Variants in SNTG1 observed in about 807,000 individuals in gnomAD.
SNTG1 encodes the protein gamma-1-syntrophin.
SNTG1 carries 39 observed loss-of-function variants against 74.7 expected under a neutral mutation model. That is an observed-to-expected ratio of 0.52 (90% CI 0.40 to 0.68). The LOEUF (loss-of-function observed/expected upper bound fraction) is 0.68. Ranked by LOEUF, SNTG1 falls within the 30% of genes least tolerant of loss-of-function variation. The pLI is 0.00. For missense variants in SNTG1, 685 were observed against 609.5 expected (o/e 1.12, Z -1.30); for synonymous variants, 254 against 217.1 (o/e 1.17, Z -1.49).
At chr8:50,559,052 A>G (rs2094472455) in intron 12 of SNTG1, among the ~76,000 whole-genome samples, 2 of 152,202 alleles carry the variant, frequency 1.3e-5, no homozygotes, top group African/African-American at 4.8e-5. Context: ...GGTTTAGAGT[A>G]TAATTGAAAC....
rs144985517 is a variant in SNTG1 at position 50,438,889 on chromosome 8, ATCTT to A, written c.219+296_219+299del. On this transcript the variant is annotated intron_variant, in intron 5 of 18. Transcript: ENST00000642720. ...ATGTTAAATATGATGTCGTGTGCAT[ATCTT>A]TCTTTAACCAACTGGAGTAGGAAAT... is the stretch of plus-strand genomic sequence containing the variant. Among the ~76,000 whole-genome samples the A allele has an allele frequency of 2.0e-3, 301 of 152,266 alleles. 7 individuals are homozygous for A. In the East Asian group the frequency reaches 0.055, roughly 28 times the overall value.
intron 1 of SNTG1, among the ~76,000 whole-genome samples, chr8:50,097,172 G>A (rs779931439): frequency 6.6e-6 from 1 of 151,866 alleles, no homozygotes; most frequent in Admixed American, 6.6e-5. Flanking sequence ...CAGTTTCGTC[G>A]TGTTGGCCAG....
At chr8:50,261,163 G>A (rs1279977630) in intron 2 of SNTG1, among the ~76,000 whole-genome samples, 3 of 152,084 alleles carry the variant, frequency 2.0e-5, no homozygotes, top group African/African-American at 7.2e-5. Flanking sequence ...TGAGGTAGGG[G>A]TGACAACCTT....
chr8:50,448,740 T>C (rs576970857), intron 5 of SNTG1, among the ~76,000 whole-genome samples: 6 of 152,194 alleles, frequency 3.9e-5, no homozygotes, highest in African/African-American at 1.2e-4. Context: ...AACTAATAAA[T>C]AGTACTACTG....
intron 2 of SNTG1, among the ~76,000 whole-genome samples, chr8:50,389,836 G>T (rs1312199095): frequency 6.6e-6 from 1 of 152,216 alleles, no homozygotes; most frequent in Non-Finnish European, 1.5e-5. Context: ...GATGGCCAGT[G>T]ATGATGAGCA....
chr8:50,060,865 C>T (rs926735390), intron 1 of SNTG1, among the ~76,000 whole-genome samples: 6 of 151,920 alleles, frequency 3.9e-5, no homozygotes, highest in South Asian at 2.1e-4. Context: ...TTACATTGAT[C>T]GATTTTTGCA....
At chr8:50,044,050 G>A (rs541678776) in intron 1 of SNTG1, among the ~76,000 whole-genome samples, 22 of 152,198 alleles carry the variant, frequency 1.4e-4, no homozygotes, top group African/African-American at 5.3e-4. Context: ...TCACCTTTAT[G>A]TAATACTAAA....
intron 1 of SNTG1, among the ~76,000 whole-genome samples, chr8:50,057,286 G>A (rs1820105223): frequency 6.6e-6 from 1 of 152,052 alleles, no homozygotes; most frequent in African/African-American, 2.4e-5. Context: ...AGCTGCACAG[G>A]TAACTTAAGC....
chr8:50,438,489 G>A, intron 4 of SNTG1, 54 bp from the exon 5 acceptor site: 1 of 1,490,684 alleles, frequency 6.7e-7, no homozygotes. Flanking sequence ...AAAAAATGGT[G>A]TGTAAGTATA....
intron 1 of SNTG1, among the ~76,000 whole-genome samples, chr8:50,082,665 A>G (rs1822520533): frequency 6.6e-6 from 1 of 151,978 alleles, no homozygotes; most frequent in Admixed American, 6.6e-5. Context: ...AAGTTTTTAA[A>G]TCTCAGGCCA....
intron 1 of SNTG1, among the ~76,000 whole-genome samples, chr8:50,148,375 A>G (rs2081945362): frequency 6.6e-6 from 1 of 152,170 alleles, no homozygotes; most frequent in Non-Finnish European, 1.5e-5. Context: ...TAAAGTACAT[A>G]AAGTGAGAAA....
In SNTG1 at chr8:50,794,400, GT is replaced by G. The variant is rs1410071511; in HGVS notation, c.*1574del. The stretch of plus-strand genomic sequence containing the variant: ...ATCAAATTGAAAAGAAAAAGTGAGG[GT>G]TTATAATTGTCCCTGGGAAAATGTT... On this transcript the variant is annotated 3_prime_UTR_variant, in exon 19 of 19. Transcript: ENST00000642720. The G allele has an allele frequency of 6.6e-6, 1 of 151,844 alleles. No homozygotes were observed. The highest frequency in any genetic ancestry group is 2.4e-5 in the African/African-American group (1 of 41,378). 9.4% of individuals were successfully genotyped at this position (151,844 alleles called of 1,614,324 possible). A position where few individuals can be genotyped will look rare whatever the true frequency, so the allele number is the denominator to read the frequency against.
intron 18 of SNTG1, among the ~76,000 whole-genome samples, chr8:50,788,561 C>CA (rs1208185345): frequency 6.6e-6 from 1 of 151,928 alleles, no homozygotes; most frequent in Non-Finnish European, 1.5e-5. Context: ...TCAAGGTCAT[C>CA]AGCAAGGTCT....
At chr8:50,655,335 G>C (rs1042348847) in intron 13 of SNTG1, among the ~76,000 whole-genome samples, 18 of 152,166 alleles carry the variant, frequency 1.2e-4, no homozygotes, top group Admixed American at 7.2e-4. Flanking sequence ...TTTCAAAACT[G>C]TGTTGTTATC....
chr8:50,615,249 C>T (rs1280932165), intron 13 of SNTG1, among the ~76,000 whole-genome samples: 4 of 152,010 alleles, frequency 2.6e-5, no homozygotes, highest in Non-Finnish European at 5.9e-5. Context: ...CATGAGCCAC[C>T]GTGCTTCCTT....
intron 2 of SNTG1, among the ~76,000 whole-genome samples, chr8:50,284,591 T>A (rs1350859958): frequency 6.6e-6 from 1 of 152,170 alleles, no homozygotes. Flanking sequence ...AATGCTCCAA[T>A]TTCATCTTGC....
chr8:50,339,687 A>T (rs535722401), intron 2 of SNTG1, among the ~76,000 whole-genome samples: 6 of 152,052 alleles, frequency 3.9e-5, no homozygotes, highest in Non-Finnish European at 7.4e-5. Context: ...AGTCATAAAA[A>T]GCTCAATTAC....
intron 1 of SNTG1, among the ~76,000 whole-genome samples, chr8:50,012,660 G>A (rs1376348019): frequency 6.6e-6 from 1 of 152,090 alleles, no homozygotes; most frequent in Non-Finnish European, 1.5e-5. Flanking sequence ...CCTAGAAGAG[G>A]TGCCTGCTAT....
chr8:50,582,587 C>G (rs1316428788), intron 12 of SNTG1, among the ~76,000 whole-genome samples: 1 of 151,832 alleles, frequency 6.6e-6, no homozygotes, highest in Non-Finnish European at 1.5e-5. Flanking sequence ...AAGTATCATC[C>G]TGTCTGATTT....
Sources: gnomAD v4.1 joint callset for allele counts (sites outside exome capture counted in the v4.1 genomes callset) on GRCh38, gnomAD v4.1.1 for gene constraint, MANE v1.5 for transcripts, NCBI Gene and HGNC (gene_info 2026-07-23, HGNC 2026-07-21) for gene names.